ZNF215: variants seen among roughly 807,000 people sequenced by gnomAD.
ZNF215 encodes zinc finger protein 215, also known as BWSCR2-associated zinc finger protein 2.
ZNF215 carries 24 observed loss-of-function variants against 27.2 expected under a neutral mutation model. That is an observed-to-expected ratio of 0.88 (90% CI 0.64 to 1.24). The LOEUF (loss-of-function observed/expected upper bound fraction) is 1.24, where lower values mean the gene tolerates loss of function less well. Among genes scored for constraint, ZNF215 ranks in the 50% most tolerant of loss-of-function variants. ZNF215 has a pLI of 0.00. For missense variants in ZNF215, 675 were observed against 605.7 expected (o/e 1.11, Z -1.20); for synonymous variants, 210 against 204.0 (o/e 1.03, Z -0.25).
intron 5 of ZNF215, among the ~76,000 whole-genome samples, chr11:6,969,631 G>T (rs1298229888): frequency 6.6e-6 from 1 of 151,894 alleles, no homozygotes; most frequent in African/African-American, 2.4e-5. Context: ...CTATATATTG[G>T]TAGCAAAAGC....
intron 3 of ZNF215, among the ~76,000 whole-genome samples, chr11:6,938,626 A>G (rs1435635537): frequency 6.6e-6 from 1 of 152,100 alleles, no homozygotes; most frequent in African/African-American, 2.4e-5. Flanking sequence ...ATGGACCTCC[A>G]AAACATGCTA....
intron 5 of ZNF215, among the ~76,000 whole-genome samples, chr11:6,968,917 A>G (rs895111334): frequency 6.6e-6 from 1 of 152,108 alleles, no homozygotes; most frequent in African/African-American, 2.4e-5. Flanking sequence ...TCCTGGGTAA[A>G]TGTTTTAATA....
chr11:6,927,208 T>G (rs1849083736), intron 1 of ZNF215, among the ~76,000 whole-genome samples: 1 of 152,182 alleles, frequency 6.6e-6, no homozygotes, highest in Non-Finnish European at 1.5e-5. Flanking sequence ...TGCCTTGTTT[T>G]CCCAGTCATT....
At chr11:6,980,549 A>G (rs1850926404) in intron 5 of ZNF215, among the ~76,000 whole-genome samples, 1 of 152,092 alleles carries the variant, frequency 6.6e-6, no homozygotes, top group Admixed American at 6.6e-5. Flanking sequence ...TTGAGTATTA[A>G]GTAATAAAAA....
chr11:6,979,230 G>C (rs1311773537), intron 5 of ZNF215, among the ~76,000 whole-genome samples: 1 of 151,898 alleles, frequency 6.6e-6, no homozygotes, highest in East Asian at 1.9e-4. Context: ...GTAGCAATAC[G>C]GTTTCCAAGA....
intron 3 of ZNF215, among the ~76,000 whole-genome samples, chr11:6,934,090 G>A (rs1193871683): frequency 1.3e-5 from 2 of 152,172 alleles, no homozygotes; most frequent in African/African-American, 4.8e-5. Context: ...TATTGGTATT[G>A]TGGTTATATT....
intron 6 of ZNF215, among the ~76,000 whole-genome samples, chr11:6,950,427 C>G (rs1299520147): frequency 6.6e-6 from 1 of 152,016 alleles, no homozygotes; most frequent in African/African-American, 2.4e-5. Context: ...GTTTGTAGTT[C>G]TCCTTGAAGA....
Position 6,957,810 on chromosome 11 carries a change from A to C in ZNF215, c.*1279A>C. On this transcript the variant is annotated 3_prime_UTR_variant, in exon 7 of 7. Coordinates refer to ENST00000278319, the MANE Select transcript of ZNF215 (RefSeq NM_013250.4). ...AGGTATATCATTTATACCAGACATT[A>C]TGAAGTTATTAAAGTCTCCTATACT... The C allele has an allele frequency of 1.0e-6, 1 of 985,434 alleles. No individual in the cohort carries two copies. The highest frequency in any genetic ancestry group is 1.2e-6 in the Non-Finnish European group (1 of 829,934). 61.0% of individuals were successfully genotyped at this position (985,434 alleles called of 1,614,324 possible).
At chr11:6,932,950 ATT>A (rs769452310) in intron 3 of ZNF215, among the ~76,000 whole-genome samples, 2 of 152,218 alleles carry the variant, frequency 1.3e-5, no homozygotes, top group Non-Finnish European at 2.9e-5. Context: ...CAGGCCAAAT[ATT>A]TTTTAAAATA....
At chr11:6,952,622 G>A (rs1328712009) in intron 6 of ZNF215, among the ~76,000 whole-genome samples, 1 of 151,822 alleles carries the variant, frequency 6.6e-6, no homozygotes, top group Non-Finnish European at 1.5e-5. Flanking sequence ...TTGAGCCTAT[G>A]TGTGTCTCTG....
rs1849106228 is a variant in ZNF215 at position 6,927,721 on chromosome 11, C to G, written c.-266C>G. The G allele has an allele frequency of 6.6e-6, 1 of 152,276 alleles. No individual in the cohort carries two copies. The highest frequency in any genetic ancestry group is 1.5e-5 in the Non-Finnish European group (1 of 68,076). 9.4% of individuals were successfully genotyped at this position (152,276 alleles called of 1,614,324 possible). A position where few individuals can be genotyped will look rare whatever the true frequency, so the allele number is the denominator to read the frequency against. On this transcript the variant is annotated 5_prime_UTR_variant, in exon 2 of 7. The change creates a new upstream start codon in the 5' untranslated region. Transcript: ENST00000278319. Reference sequence around the variant, plus strand: ...ACGTCACACCTTGGATCTCTATCATCAAAACTATTCCACCTCGGAAATCTT... The same window carrying G: ...ACGTCACACCTTGGATCTCTATCATGAAAACTATTCCACCTCGGAAATCTT...
At chr11:6,949,757 T>C (rs1342291636) in intron 6 of ZNF215, among the ~76,000 whole-genome samples, 3 of 152,254 alleles carry the variant, frequency 2.0e-5, no homozygotes, top group Non-Finnish European at 4.4e-5. Flanking sequence ...TTTGTCAATT[T>C]TGGCTTTTGT....
chr11:6,989,468 A>T (rs1432534000), downstream of ZNF215, among the ~76,000 whole-genome samples: 1 of 152,154 alleles, frequency 6.6e-6, no homozygotes, highest in East Asian at 1.9e-4. Context: ...TGGAACATCA[A>T]ATGACTAGAT....
At chr11:6,930,073 G>A (rs1480781499) in intron 2 of ZNF215, among the ~76,000 whole-genome samples, 3 of 149,894 alleles carry the variant, frequency 2.0e-5, no homozygotes, top group Admixed American at 6.6e-5. Context: ...TACCTTTGAT[G>A]TGCCCCAATA....
intron 6 of ZNF215, among the ~76,000 whole-genome samples, chr11:6,945,341 C>T (rs369283220): frequency 5.9e-5 from 9 of 152,022 alleles, no homozygotes; most frequent in East Asian, 1.9e-4. Context: ...CTTTTCTGGT[C>T]GTTACTGATT....
intron 5 of ZNF215, 150 bp from the exon 6 acceptor site, chr11:6,943,396 C>G (rs1849697216): frequency 9.2e-7 from 1 of 1,089,140 alleles, no homozygotes; most frequent in Admixed American, 2.6e-5. Context: ...TGATATTGAG[C>G]CAGAGATACA....
intron 6 of ZNF215, among the ~76,000 whole-genome samples, chr11:6,953,947 T>C (rs1389509866): frequency 1.3e-5 from 2 of 152,194 alleles, no homozygotes; most frequent in African/African-American, 2.4e-5. Flanking sequence ...TAGTTTTCCT[T>C]CTAACAGACA....
chr11:6,958,578 C>A (rs551870743), downstream of ZNF215, among the ~76,000 whole-genome samples: 1 of 152,094 alleles, frequency 6.6e-6, no homozygotes, highest in African/African-American at 2.4e-5. Context: ...ATTGTATTAG[C>A]GTTCTCTAGA....
At chr11:6,931,858 T>TA (rs1849276125) in intron 2 of ZNF215, among the ~76,000 whole-genome samples, 2 of 152,238 alleles carry the variant, frequency 1.3e-5, no homozygotes. Context: ...GAAGTTTTTT[T>TA]AAATCAAAGG....
Sources: allele counts gnomAD v4.1 joint callset (sites outside exome capture counted in the v4.1 genomes callset), GRCh38; gene constraint gnomAD v4.1.1; transcripts MANE v1.5; gene names NCBI Gene and HGNC (gene_info 2026-07-23, HGNC 2026-07-21).